Variants in HELZ observed in about 807,000 individuals in gnomAD.
HELZ encodes the protein helicase with zinc finger, also known as ATP-dependent RNA helicase with zinc finger domain.
Under a neutral mutation model 218.2 loss-of-function variants are expected in HELZ, and 23 were observed. The ratio of observed to expected loss-of-function variants is 0.11; its 90% CI spans 0.08 to 0.15. The LOEUF (loss-of-function observed/expected upper bound fraction) is 0.15, where lower values mean the gene tolerates loss of function less well. Ranked by LOEUF, HELZ falls within the 10% of genes least tolerant of loss-of-function variation. HELZ has a pLI of 1.00. For synonymous variants in HELZ, 814 were observed against 829.4 expected (o/e 0.98, Z 0.32); for missense variants, 1,813 against 2,353.7 (o/e 0.77, Z 4.75).
chr17:67,126,372 G>A (rs1457834666), intron 24 of HELZ, among the ~76,000 whole-genome samples: 1 of 151,926 alleles, frequency 6.6e-6, no homozygotes, highest in African/African-American at 2.4e-5. Context: ...AGCAAATTCG[G>A]GCCTATGGAG....
At chr17:67,211,529 C>T (rs931518403) in intron 5 of HELZ, among the ~76,000 whole-genome samples, 1 of 152,082 alleles carries the variant, frequency 6.6e-6, no homozygotes, top group African/African-American at 2.4e-5. Flanking sequence ...ATATCATTTA[C>T]TCTACTTTCC....
In HELZ at chr17:67,215,349, C is replaced by CTT. The variant is rs773776900; in HGVS notation, c.247+548_247+549dup. On this transcript the variant is annotated intron_variant, in intron 5 of 32. Transcript: ENST00000358691. The stretch of plus-strand genomic sequence containing the variant: ...GCCCTTGTGACTGGAGCTATTCAAA[C>CTT]TTTTTTTTTTTTTTTTTGAGACGTA... Among the ~76,000 whole-genome samples, 95 of 136,614 alleles carry CTT rather than the reference C, an allele frequency of 7.0e-4. 1 individual carries two copies. The highest frequency in any genetic ancestry group is 1.0e-3 in the East Asian group (5 of 4,762). 89.6% of individuals were successfully genotyped at this position (136,614 alleles called of 152,430 possible). A position where few individuals can be genotyped will look rare whatever the true frequency, so the allele number is the denominator to read the frequency against.
chr17:67,128,902 T>A, intron 23 of HELZ, 47 bp from the exon 24 acceptor site: 1 of 1,353,874 alleles, frequency 7.4e-7, no homozygotes, highest in East Asian at 2.3e-5. Context: ...ATGGATGAGA[T>A]CACAGAAATG....
chr17:67,191,974 C>G (rs1234700983), intron 9 of HELZ, among the ~76,000 whole-genome samples: 1 of 151,718 alleles, frequency 6.6e-6, no homozygotes, highest in Non-Finnish European at 1.5e-5. Flanking sequence ...GAGGCCAAGG[C>G]AGGCGCATCA....
intron 4 of HELZ, among the ~76,000 whole-genome samples, chr17:67,217,831 A>G (rs2040640189): frequency 6.6e-6 from 1 of 151,266 alleles, no homozygotes; most frequent in Non-Finnish European, 1.5e-5. Context: ...TCTAACCCCA[A>G]TATTCCCAAT....
chr17:67,079,580 T>A (rs1247211561), intron 32 of HELZ, among the ~76,000 whole-genome samples: 1 of 152,206 alleles, frequency 6.6e-6, no homozygotes, highest in East Asian at 1.9e-4. Context: ...TCACAGCTAT[T>A]TCCTCAGGAT....
At chr17:67,224,788 C>A in intron 3 of HELZ, 1 of 1,178,698 alleles carries the variant, frequency 8.5e-7, no homozygotes, top group Non-Finnish European at 1.2e-6. Flanking sequence ...GCACCAACCC[C>A]ACAAAACGAC....
chr17:67,102,109 G>C (rs1216044039), intron 31 of HELZ, among the ~76,000 whole-genome samples: 2 of 152,176 alleles, frequency 1.3e-5, no homozygotes, highest in African/African-American at 4.8e-5. Context: ...AAAATCCATG[G>C]AGTTAAGCCT....
intron 14 of HELZ, among the ~76,000 whole-genome samples, chr17:67,167,108 T>A (rs898945087): frequency 6.6e-6 from 1 of 152,172 alleles, no homozygotes; most frequent in Non-Finnish European, 1.5e-5. Flanking sequence ...ACTGAAGACA[T>A]AATTCACCTA....
chr17:67,160,101 A>G (rs1467059571), intron 17 of HELZ, among the ~76,000 whole-genome samples, 160 bp downstream of exon 17: 1 of 152,138 alleles, frequency 6.6e-6, no homozygotes, highest in East Asian at 1.9e-4. Flanking sequence ...AGATTTTTAC[A>G]TTTTTCCTTA....
In HELZ at chr17:67,123,118, G is replaced by A. The variant is rs765559379; in HGVS notation, c.3482C>T (p.Ala1161Val). Reference sequence around the variant, plus strand: ...TCCAAGAGGGGGTGGAGGAGTATATGCTCTAATAGGATTGCCAATAAGTAC... The same window carrying A: ...TCCAAGAGGGGGTGGAGGAGTATATACTCTAATAGGATTGCCAATAAGTAC... Reference protein sequence around the residue: ...PSVLIGNPIRAYTPPPPLGPH... With the variant: ...PSVLIGNPIRVYTPPPPLGPH... Residue 1161 changes from alanine (A) to valine (V), a missense_variant, in exon 26 of 33, where the codon GCA (alanine) becomes GTA (valine). Transcript: ENST00000358691. 20 of 1,613,434 alleles carry A rather than the reference G, an allele frequency of 1.2e-5. No individual in the cohort carries two copies. Among genetic ancestry groups the A allele is most frequent in the Non-Finnish European group, 1.7e-5 (20 of 1,179,568 alleles).
At chr17:67,171,995 C>T (rs2039326317) in intron 13 of HELZ, among the ~76,000 whole-genome samples, 1 of 150,452 alleles carries the variant, frequency 6.6e-6, no homozygotes, top group Admixed American at 6.7e-5. Context: ...CCACACCAGG[C>T]TAATTTTTTG....
At chr17:67,244,025 G>A in intron 1 of HELZ, 186 bp from the exon 2 acceptor site, 1 of 977,568 alleles carries the variant, frequency 1.0e-6, no homozygotes, top group Non-Finnish European at 1.2e-6. Context: ...TTTCAGTAAG[G>A]TAAAAGAATA....
intron 26 of HELZ, among the ~76,000 whole-genome samples, chr17:67,121,121 A>G (rs1210785782): frequency 6.6e-6 from 1 of 152,220 alleles, no homozygotes; most frequent in East Asian, 1.9e-4. Flanking sequence ...CATTTATTAT[A>G]GGTAAAATTC....
chr17:67,229,169 A>G (rs554181402), intron 3 of HELZ, among the ~76,000 whole-genome samples: 1 of 152,338 alleles, frequency 6.6e-6, no homozygotes, highest in Admixed American at 6.5e-5. Flanking sequence ...AGATGGCACA[A>G]TAACTCTGAA....
intron 32 of HELZ, among the ~76,000 whole-genome samples, chr17:67,080,285 T>C (rs1020214607): frequency 6.6e-5 from 10 of 152,228 alleles, no homozygotes; most frequent in African/African-American, 2.4e-4. Context: ...GAAATCTGTA[T>C]CTGGGCTTTC....
chr17:67,128,990 G>C (rs900075411), intron 23 of HELZ, 135 bp from the exon 24 acceptor site: 1 of 683,612 alleles, frequency 1.5e-6, no homozygotes, highest in Non-Finnish European at 2.5e-6. Context: ...CTATGATTGA[G>C]ATAAAATCTT....
At chr17:67,164,471 T>C (rs576021928) in intron 15 of HELZ, among the ~76,000 whole-genome samples, 1 of 152,122 alleles carries the variant, frequency 6.6e-6, no homozygotes, top group Non-Finnish European at 1.5e-5. Context: ...GGAAATGAGT[T>C]GTCCGATGGG....
chr17:67,134,962 A>G (rs1203622780), intron 23 of HELZ, among the ~76,000 whole-genome samples: 3 of 151,710 alleles, frequency 2.0e-5, no homozygotes, highest in African/African-American at 4.8e-5. Context: ...AATATTATAA[A>G]TAACTGTTCG....
Sources: gnomAD v4.1 joint callset for allele counts (sites outside exome capture counted in the v4.1 genomes callset) on GRCh38, gnomAD v4.1.1 for gene constraint, MANE v1.5 for transcripts, NCBI Gene and HGNC (gene_info 2026-07-23, HGNC 2026-07-21) for gene names.